Variants in DPYD observed in about 807,000 individuals in gnomAD.
DPYD encodes dihydropyrimidine dehydrogenase [NADP(+)].
A neutral mutation model predicts 116.2 loss-of-function variants in DPYD; 109 were observed. That is an observed-to-expected ratio of 0.94 (90% CI 0.80 to 1.10). DPYD has a LOEUF of 1.10. DPYD is among the 50% of genes least tolerant of loss of function. DPYD has a pLI of 0.00. For missense variants in DPYD, 1,302 were observed against 1,254.5 expected, an observed-to-expected ratio of 1.04 and a Z score of -0.57; for synonymous variants, 440 against 432.0, an observed-to-expected ratio of 1.02 and a Z score of -0.23.
intron 13 of DPYD, among the ~76,000 whole-genome samples, chr1:97,461,175 G>C (rs1336430031): frequency 6.6e-6 from 1 of 151,910 alleles, no homozygotes; most frequent in African/African-American, 2.4e-5. Flanking sequence ...TCTATTGCTT[G>C]TGCTGCCACC....
intron 20 of DPYD, 80 bp from the exon 21 acceptor site, chr1:97,098,712 A>G: frequency 6.7e-7 from 1 of 1,493,192 alleles, no homozygotes; most frequent in Non-Finnish European, 9.2e-7. Context: ...TATAAATATT[A>G]TCAACAAACA....
At chr1:97,861,382 A>G (rs1276043021) in intron 2 of DPYD, among the ~76,000 whole-genome samples, 1 of 151,788 alleles carries the variant, frequency 6.6e-6, no homozygotes, top group African/African-American at 2.4e-5. Context: ...ACTTCAATGA[A>G]TTTTAAACAA....
chr1:97,832,487 TG>T (rs1438219672), intron 2 of DPYD, among the ~76,000 whole-genome samples: 5 of 152,186 alleles, frequency 3.3e-5, no homozygotes, highest in African/African-American at 1.2e-4. Flanking sequence ...TACATCTGTC[TG>T]GAAGTGCTAT....
chr1:97,602,023 C>G (rs116474277), intron 8 of DPYD, among the ~76,000 whole-genome samples: 1,990 of 152,012 alleles, frequency 0.013, 22 homozygotes, highest in Middle Eastern at 0.024. Flanking sequence ...ATAACAAGAA[C>G]ATTTTTAAAA....
chr1:97,424,745 TC>T (rs1434787773), intron 14 of DPYD, among the ~76,000 whole-genome samples: 1 of 152,030 alleles, frequency 6.6e-6, no homozygotes, highest in African/African-American at 2.4e-5. Context: ...TATTTTGGAT[TC>T]TTCTGCCCAC....
intron 16 of DPYD, among the ~76,000 whole-genome samples, chr1:97,327,447 A>C (rs1668765566): frequency 6.6e-6 from 1 of 152,028 alleles, no homozygotes; most frequent in Non-Finnish European, 1.5e-5. Flanking sequence ...ATTATAAAAA[A>C]AGTTCTTAAT....
In DPYD at chr1:97,546,974, G is replaced by T. The variant is rs906130236; in HGVS notation, c.1524+2586C>A. 2.7e-5 allele frequency: 44 copies of T among 1,603,460 alleles called. No homozygotes were observed. In the Admixed American group the frequency reaches 7.3e-4, roughly 27 times the overall value. ...GAAGATGATGACTAAGCAGTACTCTGAATGGACCATAGTGTTTGCACATAT... is the reference window on the plus strand; with the variant it reads ...GAAGATGATGACTAAGCAGTACTCTTAATGGACCATAGTGTTTGCACATAT... On this transcript the variant is annotated intron_variant, in intron 12 of 22. Transcript: ENST00000370192.
At chr1:97,253,464 T>G (rs1663243661) in intron 18 of DPYD, among the ~76,000 whole-genome samples, 1 of 152,164 alleles carries the variant, frequency 6.6e-6, no homozygotes, top group Non-Finnish European at 1.5e-5. Context: ...GGGTATTGTT[T>G]TATGTATGGA....
At chr1:97,758,127 G>T (rs1051874407) in intron 3 of DPYD, among the ~76,000 whole-genome samples, 1 of 152,026 alleles carries the variant, frequency 6.6e-6, no homozygotes, top group Non-Finnish European at 1.5e-5. Context: ...ACCCATAATT[G>T]TCCCTCTGCA....
At chr1:97,647,316 T>C (rs1295856008) in intron 8 of DPYD, among the ~76,000 whole-genome samples, 1 of 152,052 alleles carries the variant, frequency 6.6e-6, no homozygotes, top group African/African-American at 2.4e-5. Flanking sequence ...AATCTTATAT[T>C]TGGTGGCCCA....
At chr1:97,881,565 CTTGG>C (rs1223971479) in intron 2 of DPYD, among the ~76,000 whole-genome samples, 3 of 151,932 alleles carry the variant, frequency 2.0e-5, no homozygotes, top group Non-Finnish European at 4.4e-5. Flanking sequence ...CTCACTGTAC[CTTGG>C]TTATTATTTT....
chr1:97,464,861 C>T (rs1307974464), intron 13 of DPYD, among the ~76,000 whole-genome samples: 1 of 152,184 alleles, frequency 6.6e-6, no homozygotes, highest in African/African-American at 2.4e-5. Context: ...AGGGCACTGC[C>T]TAGTGGAGCT....
intron 7 of DPYD, among the ~76,000 whole-genome samples, chr1:97,688,261 A>G (rs898557409): frequency 3.9e-5 from 6 of 152,214 alleles, no homozygotes; most frequent in African/African-American, 1.4e-4. Flanking sequence ...TATTTTAAAG[A>G]AAATATTAAC....
rs946788789 is a variant in DPYD, at chr1:97,558,500, G to A, written c.1340-8756C>T. 1.4e-4 allele frequency among the ~76,000 whole-genome samples: 22 copies of A among 152,236 alleles called. 1 individual carries two copies. Among genetic ancestry groups the A allele is most frequent in the Middle Eastern group, 6.8e-3 (2 of 294 alleles). On this transcript the variant is annotated intron_variant, in intron 11 of 22. Coordinates refer to ENST00000370192, the MANE Select transcript of DPYD (RefSeq NM_000110.4). ...TACACTGACAAACATACTGACTAGGGAAGAATGGGCACATAGTGAATTTCT... is the reference window on the plus strand; with the variant it reads ...TACACTGACAAACATACTGACTAGGAAAGAATGGGCACATAGTGAATTTCT...
intron 8 of DPYD, among the ~76,000 whole-genome samples, chr1:97,603,729 C>A (rs2100730839): frequency 6.6e-6 from 1 of 152,178 alleles, no homozygotes; most frequent in South Asian, 2.1e-4. Context: ...AATTCTTAAA[C>A]ACAGGCACTG....
At chr1:97,343,884 AT>A (rs1669707906) in intron 16 of DPYD, among the ~76,000 whole-genome samples, 1 of 152,034 alleles carries the variant, frequency 6.6e-6, no homozygotes, top group South Asian at 2.1e-4. Flanking sequence ...AGTCTTTAAA[AT>A]TTTAACTCGT....
At chr1:97,746,683 T>A (rs1664576114) in intron 3 of DPYD, among the ~76,000 whole-genome samples, 1 of 151,470 alleles carries the variant, frequency 6.6e-6, no homozygotes, top group Admixed American at 6.6e-5. Context: ...TGCAAAGGAG[T>A]CATTGGAAGA....
At chr1:97,556,624 C>A (rs1340206045) in intron 11 of DPYD, among the ~76,000 whole-genome samples, 2 of 149,266 alleles carry the variant, frequency 1.3e-5, no homozygotes, top group East Asian at 2.0e-4. Flanking sequence ...TTTGTTCTTG[C>A]GATAGTTTAC....
At chr1:97,721,770 G>A (rs1662939893) in intron 4 of DPYD, 99 bp from the exon 5 acceptor site, 6 of 1,170,598 alleles carry the variant, frequency 5.1e-6, no homozygotes. Context: ...TAATCAGATT[G>A]AAGATAATGA....
Sources: gnomAD v4.1 joint callset for allele counts (sites outside exome capture counted in the v4.1 genomes callset) on GRCh38, gnomAD v4.1.1 for gene constraint, MANE v1.5 for transcripts, NCBI Gene and HGNC (gene_info 2026-07-23, HGNC 2026-07-21) for gene names.